CNTNAP2: variants seen among roughly 807,000 people sequenced by gnomAD.
CNTNAP2 encodes contactin associated protein 2, also known as contactin-associated protein-like 2.
In CNTNAP2, 98 loss-of-function variants were observed where a neutral mutation model predicts 155.2. The ratio of observed to expected loss-of-function variants is 0.63; its 90% CI spans 0.54 to 0.75. The LOEUF (loss-of-function observed/expected upper bound fraction) is 0.75. Ranked by LOEUF, CNTNAP2 falls within the 30% of genes least tolerant of loss-of-function variation. CNTNAP2 has a pLI of 0.00. For missense variants in CNTNAP2, 1,727 were observed against 1,688.1 expected, an observed-to-expected ratio of 1.02 and a Z score of -0.40; for synonymous variants, 651 against 631.2, an observed-to-expected ratio of 1.03 and a Z score of -0.47.
intron 1 of CNTNAP2, among the ~76,000 whole-genome samples, chr7:146,585,341 C>T (rs1052231344): frequency 1.3e-5 from 2 of 151,880 alleles, no homozygotes; most frequent in African/African-American, 2.4e-5. Flanking sequence ...AGGAGGGTTT[C>T]GATCTCCTGA....
chr7:147,063,822 A>G (rs1262620901), intron 4 of CNTNAP2, among the ~76,000 whole-genome samples: 1 of 152,166 alleles, frequency 6.6e-6, no homozygotes, highest in Non-Finnish European at 1.5e-5. Flanking sequence ...TCAATATCAC[A>G]TTAAAAAAGC....
intron 1 of CNTNAP2, among the ~76,000 whole-genome samples, chr7:146,508,235 G>T (rs1444709301): frequency 1.3e-5 from 2 of 152,178 alleles, no homozygotes; most frequent in Non-Finnish European, 2.9e-5. Flanking sequence ...ACCTGTCGGG[G>T]TTGTGGCAGG....
chr7:147,803,201 T>A (rs1798035369), intron 13 of CNTNAP2, among the ~76,000 whole-genome samples: 1 of 152,186 alleles, frequency 6.6e-6, no homozygotes, highest in Non-Finnish European at 1.5e-5. Flanking sequence ...AGTTTCTGAC[T>A]TTATTTAGCA....
chr7:146,629,892 T>C (rs1799482373), intron 1 of CNTNAP2, among the ~76,000 whole-genome samples: 1 of 152,168 alleles, frequency 6.6e-6, no homozygotes, highest in African/African-American at 2.4e-5. Flanking sequence ...AAATATTGTA[T>C]TGCATTAGCC....
intron 17 of CNTNAP2, among the ~76,000 whole-genome samples, chr7:148,167,655 A>G (rs1417181329): frequency 6.6e-6 from 1 of 152,204 alleles, no homozygotes; most frequent in Non-Finnish European, 1.5e-5. Flanking sequence ...AGCTGGAAGG[A>G]GTCACAGACA....
intron 10 of CNTNAP2, among the ~76,000 whole-genome samples, chr7:147,484,882 A>G (rs542061592): frequency 2.9e-4 from 44 of 152,310 alleles, no homozygotes; most frequent in African/African-American, 9.4e-4. Flanking sequence ...CCTGTTTTTG[A>G]GAGTTCCCTA....
At chr7:146,525,653 TAA>T (rs1797680359) in intron 1 of CNTNAP2, among the ~76,000 whole-genome samples, 1 of 152,076 alleles carries the variant, frequency 6.6e-6, no homozygotes, top group Non-Finnish European at 1.5e-5. Flanking sequence ...TTATGTAAAA[TAA>T]GATATGTGCT....
intron 1 of CNTNAP2, among the ~76,000 whole-genome samples, chr7:146,446,062 G>C (rs560689219): frequency 6.6e-6 from 1 of 152,176 alleles, no homozygotes; most frequent in East Asian, 1.9e-4. Context: ...AAGAACCGTA[G>C]ATCATTCTTA....
intron 11 of CNTNAP2, among the ~76,000 whole-genome samples, chr7:147,561,724 G>T (rs959566007): frequency 6.6e-6 from 1 of 152,108 alleles, no homozygotes; most frequent in Non-Finnish European, 1.5e-5. Flanking sequence ...CAAGAGAGAG[G>T]CAGAGAGAGT....
intron 10 of CNTNAP2, among the ~76,000 whole-genome samples, chr7:147,410,235 G>A (rs1243300034): frequency 1.3e-5 from 2 of 152,208 alleles, no homozygotes; most frequent in Non-Finnish European, 2.9e-5. Flanking sequence ...TATATCTCTT[G>A]TGGGAACATG....
chr7:146,488,311 C>CTCTT (rs1554440136), intron 1 of CNTNAP2, among the ~76,000 whole-genome samples: 3 of 132,486 alleles, frequency 2.3e-5, no homozygotes, highest in Admixed American at 2.3e-4. Flanking sequence ...CTTCCTCCCT[C>CTCTT]CCTTCCTTCC....
At chr7:148,337,162 C>T (rs1356523287) in intron 21 of CNTNAP2, among the ~76,000 whole-genome samples, 1 of 152,118 alleles carries the variant, frequency 6.6e-6, no homozygotes, top group Admixed American at 6.5e-5. Context: ...CCCATTCCTC[C>T]CTAACGGTGC....
intron 13 of CNTNAP2, among the ~76,000 whole-genome samples, chr7:147,645,473 T>A (rs1795351106): frequency 6.6e-6 from 1 of 152,232 alleles, no homozygotes. Context: ...TTGGGTGATA[T>A]AATTAAATGA....
At chr7:147,060,975 A>T (rs764718029) in intron 4 of CNTNAP2, among the ~76,000 whole-genome samples, 7 of 152,234 alleles carry the variant, frequency 4.6e-5, no homozygotes, top group South Asian at 2.1e-4. Flanking sequence ...GTTTTTCTGC[A>T]TTAATATTCA....
intron 10 of CNTNAP2, among the ~76,000 whole-genome samples, chr7:147,431,447 A>C (rs1256286633): frequency 1.3e-5 from 2 of 152,122 alleles, no homozygotes; most frequent in African/African-American, 2.4e-5. Flanking sequence ...CTTTAAACAT[A>C]CTTGAGTCTG....
intron 1 of CNTNAP2, among the ~76,000 whole-genome samples, chr7:146,712,358 C>CTATATAGTATACATATCTTATGTATAA (rs1801108114): frequency 7.5e-6 from 1 of 132,902 alleles, no homozygotes; most frequent in Non-Finnish European, 1.6e-5. Flanking sequence ...CTTATGTATA[C>CTATATAGTATACATATCTTATGTATAA]TATATAGTAT....
intron 8 of CNTNAP2, among the ~76,000 whole-genome samples, chr7:147,218,371 T>C (rs937692373): frequency 3.3e-5 from 5 of 151,854 alleles, no homozygotes; most frequent in African/African-American, 1.2e-4. Flanking sequence ...TGAATATTTC[T>C]CTTGAAATTT....
chr7:146,236,741 A>AT (rs1239333122), intron 1 of CNTNAP2, among the ~76,000 whole-genome samples: 2 of 152,122 alleles, frequency 1.3e-5, no homozygotes, highest in Non-Finnish European at 1.5e-5. Context: ...TGATATGATT[A>AT]TATCTATATA....
At chr7:147,483,781 A>G (rs1448734551) in intron 10 of CNTNAP2, among the ~76,000 whole-genome samples, 1 of 152,186 alleles carries the variant, frequency 6.6e-6, no homozygotes, top group Non-Finnish European at 1.5e-5. Context: ...CATATGCAGA[A>G]CCACCTGCTC....
Sources: allele counts gnomAD v4.1 joint callset (sites outside exome capture counted in the v4.1 genomes callset), GRCh38; gene constraint gnomAD v4.1.1; transcripts MANE v1.5; gene names NCBI Gene and HGNC (gene_info 2026-07-23, HGNC 2026-07-21).